Variants in MYO10 observed in about 807,000 individuals in gnomAD.
MYO10 encodes the protein unconventional myosin-X.
Under a neutral mutation model 257.3 loss-of-function variants are expected in MYO10, and 133 were observed. The ratio of observed to expected loss-of-function variants is 0.52; its 90% CI spans 0.45 to 0.60. The LOEUF is 0.60. MYO10 is among the 20% of genes least tolerant of loss of function. The pLI is 0.00. For missense variants in MYO10, 2,399 were observed against 2,635.7 expected (o/e 0.91, Z 1.97); for synonymous variants, 1,104 against 1,028.6 (o/e 1.07, Z -1.40).
intron 29 of MYO10, among the ~76,000 whole-genome samples, chr5:16,684,755 C>T (rs1012528830): frequency 2.6e-5 from 4 of 152,052 alleles, no homozygotes; most frequent in South Asian, 2.1e-4. Context: ...ACAAAGAATA[C>T]AATTTGGATT....
In MYO10 at chr5:16,805,474, A is replaced by AG. The variant is rs1298577813; in HGVS notation, c.280-10642_280-10641insC. ...ACTCCATCTCAAAAAAAAAAAAAAA[A>AG]AAAAAAGAAAAGAAAAAAAAGAAAT... On this transcript the variant is annotated intron_variant, in intron 3 of 40. Transcript: ENST00000513610. Among the ~76,000 whole-genome samples, 6 of 151,038 alleles carry AG rather than the reference A, an allele frequency of 4.0e-5. No homozygotes were observed. The East Asian group carries it at 7.8e-4, about 20-fold the overall frequency.
rs1491492278 is a variant in MYO10, at chr5:16,757,342, ACG to A, written c.1848+774_1848+775del. Among the ~76,000 whole-genome samples the A allele has an allele frequency of 4.7e-5, 7 of 147,912 alleles. No homozygotes were observed. In the East Asian group the frequency reaches 1.4e-3, roughly 29 times the overall value. On this transcript the variant is annotated intron_variant, in intron 18 of 40. Transcript: ENST00000513610. ...CACACACACACACACACACACACACACGGAAAAAAAAAAAGCTTTCTCAGAGA... is the reference window on the plus strand; with the variant it reads ...CACACACACACACACACACACACACAGAAAAAAAAAAAGCTTTCTCAGAGA...
chr5:16,897,438 G>A (rs1186278674), intron 1 of MYO10, among the ~76,000 whole-genome samples: 2 of 152,130 alleles, frequency 1.3e-5, no homozygotes, highest in Non-Finnish European at 2.9e-5. Context: ...CCCTACTGGT[G>A]TTTGAAACAA....
intron 3 of MYO10, among the ~76,000 whole-genome samples, chr5:16,805,822 A>G (rs1484755651): frequency 3.9e-5 from 6 of 152,338 alleles, no homozygotes; most frequent in East Asian, 3.9e-4. Flanking sequence ...GCCCATTTTA[A>G]TAATTTGGAA....
chr5:16,853,092 C>T (rs543042677), intron 2 of MYO10, among the ~76,000 whole-genome samples: 85 of 152,232 alleles, frequency 5.6e-4, no homozygotes, highest in African/African-American at 1.9e-3. Flanking sequence ...ATATGTTGGC[C>T]GGGCGCGGCG....
At chr5:16,719,324 G>A (rs973709109) in intron 19 of MYO10, among the ~76,000 whole-genome samples, 5 of 152,112 alleles carry the variant, frequency 3.3e-5, no homozygotes, top group African/African-American at 4.8e-5. Flanking sequence ...CACCAATTCC[G>A]GACACAATAC....
At chr5:16,915,808 T>C (rs904706560) in intron 1 of MYO10, among the ~76,000 whole-genome samples, 1 of 151,972 alleles carries the variant, frequency 6.6e-6, no homozygotes, top group Non-Finnish European at 1.5e-5. Context: ...ATATAAAAAA[T>C]TAGCCGGGTG....
intron 2 of MYO10, among the ~76,000 whole-genome samples, chr5:16,852,363 C>G (rs781585768): frequency 1.3e-5 from 2 of 152,004 alleles, no homozygotes; most frequent in African/African-American, 4.8e-5. Context: ...AGTTCTTCTC[C>G]CCATGCATAT....
chr5:16,890,859 A>T (rs1745028609), intron 1 of MYO10, among the ~76,000 whole-genome samples: 1 of 151,806 alleles, frequency 6.6e-6, no homozygotes, highest in Admixed American at 6.5e-5. Flanking sequence ...AATAAAATAA[A>T]AATGAACAGA....
chr5:16,701,944 T>C lies in MYO10; in HGVS notation c.2557-106A>G. 1.5e-6 allele frequency: 2 copies of C among 1,320,922 alleles called. No homozygotes were observed. Among genetic ancestry groups the C allele is most frequent in the Non-Finnish European group, 2.0e-6 (2 of 981,436 alleles). The allele number at this position is 1,320,922 out of a possible 1,614,324, so 81.8% of individuals were successfully genotyped here. A position where few individuals can be genotyped will look rare whatever the true frequency, so the allele number is the denominator to read the frequency against. On this transcript the variant is annotated intron_variant, in intron 24 of 40. Transcript: ENST00000513610. This position sits in a 1 kb window ranked among gnomAD's most constrained non-coding sequence, Gnocchi z 8.1. ...AATATGGTCATTATGAGTTGGACTG[T>C]GTCCCCATAAAGTCTATAGGTTGAA... is the stretch of plus-strand genomic sequence containing the variant.
rs747450208 is a variant in MYO10 at position 16,704,619 on chromosome 5, C to T, written c.2236G>A (p.Ala746Thr). Residue 746 changes from alanine (A) to threonine (T), a missense_variant, in exon 22 of 41, where the codon GCC becomes ACC. Physicochemically the swap from Ala to Thr is moderately conservative, Grantham distance 58 (BLOSUM62 0). Transcript: ENST00000513610. Reference protein sequence around the residue: ...KRREEEVSHAAMVIRAHVLGF... With the variant: ...KRREEEVSHATMVIRAHVLGF... ...AAGACATGGGCCCGAATCACCATGG[C>T]CGCGTGGCTCACTTCCTCTTCCCTC... 5 of 1,613,788 alleles carry T rather than the reference C, an allele frequency of 3.1e-6. No individual in the cohort carries two copies. In the African/African-American group the frequency reaches 5.3e-5, roughly 17 times the overall value.
chr5:16,892,058 A>G (rs186416494), intron 1 of MYO10, among the ~76,000 whole-genome samples: 32 of 152,308 alleles, frequency 2.1e-4, no homozygotes, highest in South Asian at 1.5e-3. Flanking sequence ...TGGAATCCTC[A>G]GCACCTAGAA....
intron 40 of MYO10, among the ~76,000 whole-genome samples, chr5:16,667,609 C>T (rs1736234789): frequency 6.6e-6 from 1 of 152,118 alleles, no homozygotes; most frequent in Admixed American, 6.5e-5. Context: ...CTGCACGACT[C>T]CCCATCAGCC....
At chr5:16,683,991 C>T in intron 29 of MYO10, 56 bp from the exon 30 acceptor site, 1 of 1,512,830 alleles carries the variant, frequency 6.6e-7, no homozygotes, top group Non-Finnish European at 9.1e-7. Flanking sequence ...AGGGTGCACA[C>T]TACAGTAATA....
At chr5:16,899,834 C>T (rs983948504) in intron 1 of MYO10, among the ~76,000 whole-genome samples, 1 of 151,526 alleles carries the variant, frequency 6.6e-6, no homozygotes, top group Admixed American at 6.6e-5. Flanking sequence ...CCCAACTCTA[C>T]TAAAAATACA....
At chr5:16,743,209 C>T (rs1168279010) in intron 19 of MYO10, among the ~76,000 whole-genome samples, 1 of 152,108 alleles carries the variant, frequency 6.6e-6, no homozygotes, top group African/African-American at 2.4e-5. Flanking sequence ...CAAAGACTAA[C>T]CAAATGCACA....
chr5:16,671,571 A>G (rs1169466709), intron 37 of MYO10, 29 bp from the exon 38 acceptor site: 1 of 1,613,762 alleles, frequency 6.2e-7, no homozygotes, highest in Non-Finnish European at 8.5e-7. Flanking sequence ...AGAGGCTCAG[A>G]ATATGAACGA....
At chr5:16,675,438 C>T (rs1561171212) in intron 34 of MYO10, among the ~76,000 whole-genome samples, 1 of 152,128 alleles carries the variant, frequency 6.6e-6, no homozygotes, top group Non-Finnish European at 1.5e-5. Flanking sequence ...TACTTAGGAT[C>T]TGGTTGTCTG....
At chr5:16,752,236 G>A (rs1740397000) in intron 19 of MYO10, among the ~76,000 whole-genome samples, 1 of 152,088 alleles carries the variant, frequency 6.6e-6, no homozygotes, top group Admixed American at 6.6e-5. Flanking sequence ...TTAGACTATG[G>A]CTCACCAGAA....
Sources: allele counts gnomAD v4.1 joint callset (sites outside exome capture counted in the v4.1 genomes callset), GRCh38; gene constraint gnomAD v4.1.1; non-coding constraint Gnocchi (gnomAD v3.1); transcripts MANE v1.5; gene names NCBI Gene and HGNC (gene_info 2026-07-23, HGNC 2026-07-21).